Variants in ITGAL observed in about 807,000 individuals in gnomAD.
ITGAL encodes integrin alpha-L.
ITGAL carries 68 observed loss-of-function variants against 138.4 expected under a neutral mutation model. That is an observed-to-expected ratio of 0.49 (90% confidence interval 0.40 to 0.60). ITGAL has a LOEUF of 0.60. ITGAL is among the 20% of genes least tolerant of loss of function. ITGAL has a pLI of 0.00. For synonymous variants in ITGAL, 561 were observed against 584.3 expected (o/e 0.96, Z 0.57); for missense variants, 1,256 against 1,478.6 (o/e 0.85, Z 2.47).
chr16:30,496,280 C>T lies in ITGAL; in HGVS notation c.1687C>T (p.Pro563Ser). 1 of 1,600,622 alleles carries T rather than the reference C, an allele frequency of 6.2e-7. No homozygotes were observed. Among genetic ancestry groups the T allele is most frequent in the Non-Finnish European group, 8.5e-7 (1 of 1,172,138 alleles). Residue 563 changes from proline to serine, a missense_variant, in exon 14 of 31, where the codon CCC (proline) becomes TCC (serine). Physicochemically the swap from Pro to Ser is moderately conservative, Grantham distance 74 (BLOSUM62 -1). Coordinates refer to ENST00000356798, the MANE Select transcript of ITGAL (RefSeq NM_002209.3). Reference protein sequence around the residue: ...IFNGRHGGLSPQPSQRIEGTQ... With the variant: ...IFNGRHGGLSSQPSQRIEGTQ... ...CAATGGGAGGCACGGGGGGCTTAGTCCCCAGCCAAGTCAGGTGACGTATGC... is the reference window on the plus strand; with the variant it reads ...CAATGGGAGGCACGGGGGGCTTAGTTCCCAGCCAAGTCAGGTGACGTATGC...
intron 22 of ITGAL, 29 bp downstream of exon 22, chr16:30,510,500 G>A (rs755974650): frequency 1.5e-6 from 2 of 1,309,048 alleles, no homozygotes; most frequent in South Asian, 1.2e-5. Context: ...CAGGGACCAA[G>A]CAGCCTAGGG....
rs532614112 is a variant in ITGAL at position 30,496,526 on chromosome 16, G to A, written c.1792G>A (p.Asp598Asn). 1 of 1,614,124 alleles carries A rather than the reference G, an allele frequency of 6.2e-7. No individual in the cohort carries two copies. Among genetic ancestry groups the A allele is most frequent in the East Asian group, 2.2e-5 (1 of 44,888 alleles). The change falls in exon 15 of 31, where the codon GAT (aspartate) becomes AAT (asparagine). Residue 598 changes from aspartate (D) to asparagine (N), a missense_variant. By Grantham distance (23) the Asp-to-Asn change is conservative (BLOSUM62 1). This residue lies in a region of ITGAL where 867 missense variants were observed against 972.5 expected (regional missense o/e 0.89). Coordinates refer to ENST00000356798, the MANE Select transcript of ITGAL (RefSeq NM_002209.3). ...GGACCTTGAAGGGGATGGCTTGGCAGATGTGGCTGTGGGGGCTGAGAGCCA... is the reference window on the plus strand; with the variant it reads ...GGACCTTGAAGGGGATGGCTTGGCAAATGTGGCTGTGGGGGCTGAGAGCCA... ...VKDLEGDGLA[D>N]VAVGAESQMI...
intron 29 of ITGAL, 145 bp from the exon 30 acceptor site, chr16:30,519,712 G>A (rs757528671): frequency 7.9e-5 from 54 of 680,802 alleles, no homozygotes; most frequent in Non-Finnish European, 1.4e-4. Flanking sequence ...AATAGGTGAC[G>A]TGTTAAAGGG....
chr16:30,481,189 A>G, intron 6 of ITGAL: 1 of 427,138 alleles, frequency 2.3e-6, no homozygotes, highest in Non-Finnish European at 4.3e-6. Context: ...CACACCACAC[A>G]CACACAAATA....
chr16:30,481,734 T>C lies in ITGAL; in HGVS notation c.722+150T>C. The C allele has an allele frequency of 4.4e-6, 3 of 684,330 alleles. No homozygotes were observed. In the South Asian group the frequency reaches 5.2e-5, roughly 12 times the overall value. The allele number at this position is 684,330 out of a possible 1,614,324, so 42.4% of individuals were successfully genotyped here. Reference sequence around the variant, plus strand: ...TGAAGTGGAACAATTTTACTGCAGATTCTTTTGGTTGTACGTAACAGAAAT... The same window carrying C: ...TGAAGTGGAACAATTTTACTGCAGACTCTTTTGGTTGTACGTAACAGAAAT... On this transcript the variant is annotated intron_variant, in intron 7 of 30. Coordinates refer to ENST00000356798, the MANE Select transcript of ITGAL (RefSeq NM_002209.3).
chr16:30,474,331 G>C, intron 2 of ITGAL, 33 bp downstream of exon 2: 1 of 1,484,986 alleles, frequency 6.7e-7, no homozygotes, highest in Non-Finnish European at 9.3e-7. Context: ...TCCTCCTGAT[G>C]CCCGCCCTGG....
chr16:30,521,891 T>C lies in ITGAL; in HGVS notation c.*226T>C. The C allele has an allele frequency of 1.9e-6, 1 of 513,326 alleles. No homozygotes were observed. Among genetic ancestry groups the C allele is most frequent in the Non-Finnish European group, 3.5e-6 (1 of 288,132 alleles). 31.8% of individuals were successfully genotyped at this position (513,326 alleles called of 1,614,324 possible). On this transcript the variant is annotated 3_prime_UTR_variant, in exon 31 of 31. Coordinates refer to ENST00000356798, the MANE Select transcript of ITGAL (RefSeq NM_002209.3). ...CAAGAGGGCTGCAAAAGTGAGGGCT[T>C]GTCATTACCAGACGGTTCACCAGCC...
chr16:30,499,527 C>T, intron 17 of ITGAL, 38 bp downstream of exon 17: 1 of 1,604,676 alleles, frequency 6.2e-7, no homozygotes, highest in Non-Finnish European at 8.5e-7. Flanking sequence ...GATGAGCTAC[C>T]TGCAGGGGCA....
chr16:30,505,140 CA>C, intron 18 of ITGAL, 103 bp from the exon 19 acceptor site: 1 of 1,169,500 alleles, frequency 8.6e-7, no homozygotes, highest in Non-Finnish European at 1.2e-6. Context: ...CAACCACAGC[CA>C]GCCCAGTTGA....
chr16:30,494,444 T>C lies in ITGAL; in HGVS notation c.1365+81T>C. 1.4e-6 allele frequency: 2 copies of C among 1,419,812 alleles called. No individual in the cohort carries two copies. Among genetic ancestry groups the C allele is most frequent in the Non-Finnish European group, 1.9e-6 (2 of 1,051,080 alleles). The allele number at this position is 1,419,812 out of a possible 1,614,324, so 88.0% of individuals were successfully genotyped here. On this transcript the variant is annotated intron_variant, in intron 12 of 30. Coordinates refer to ENST00000356798, the MANE Select transcript of ITGAL (RefSeq NM_002209.3). The surrounding 1 kb of genome is among the most constrained non-coding windows in gnomAD (Gnocchi z 4.2). ...CTCCCTTCTGTCCTTTGAATGCTCATCCACTTACCATGTGGCAGCCCCTGT... is the reference window on the plus strand; with the variant it reads ...CTCCCTTCTGTCCTTTGAATGCTCACCCACTTACCATGTGGCAGCCCCTGT...
chr16:30,481,207 G>A (rs1020456687), intron 6 of ITGAL: 37 of 471,498 alleles, frequency 7.8e-5, no homozygotes, highest in African/African-American at 4.8e-4. Context: ...ATATTCGGGT[G>A]TGGTGGCACG....
intron 9 of ITGAL, among the ~76,000 whole-genome samples, chr16:30,487,870 A>G (rs1419991648): frequency 1.3e-5 from 2 of 151,110 alleles, no homozygotes; most frequent in East Asian, 3.9e-4. Context: ...GGCATGTCCC[A>G]CCATGCCTAG....
chr16:30,500,917 T>C (rs1360766922), intron 17 of ITGAL, among the ~76,000 whole-genome samples: 3 of 151,976 alleles, frequency 2.0e-5, no homozygotes, highest in African/African-American at 7.3e-5. Flanking sequence ...GGCAGGAGAA[T>C]TGCTTGAACC....
chr16:30,493,539 G>A (rs973367882), intron 11 of ITGAL, among the ~76,000 whole-genome samples: 1 of 151,700 alleles, frequency 6.6e-6, no homozygotes, highest in Non-Finnish European at 1.5e-5. Context: ...GCCTCCCAAA[G>A]CGCTGGGATT....
chr16:30,496,545 A>C lies in ITGAL; in HGVS notation c.1811A>C (p.Glu604Ala). 1 of 1,613,756 alleles carries C rather than the reference A, an allele frequency of 6.2e-7. No individual in the cohort carries two copies. ...TTGGCAGATGTGGCTGTGGGGGCTG[A>C]GAGCCAGATGATCGTGCTGAGGTGA... ...DGLADVAVGAESQMIVLSSRP... is the reference protein window; with the variant it reads ...DGLADVAVGAASQMIVLSSRP... Residue 604 changes from glutamate (E) to alanine (A), a missense_variant, in exon 15 of 31, where the codon GAG becomes GCG. By Grantham distance (107) the Glu-to-Ala change is moderately radical. Around this residue, in one of 3 missense-constraint regions of ITGAL, gnomAD observed 867 missense variants for 972.5 expected, o/e 0.89. Coordinates refer to ENST00000356798, the MANE Select transcript of ITGAL (RefSeq NM_002209.3).
intron 6 of ITGAL, among the ~76,000 whole-genome samples, chr16:30,479,928 C>T (rs1409992804): frequency 6.6e-6 from 1 of 151,968 alleles, no homozygotes; most frequent in Non-Finnish European, 1.5e-5. Context: ...GGATTACAGG[C>T]GTGAGCCACC....
At position 30,494,739 on chromosome 16, in the gene ITGAL, G is replaced by C; in HGVS notation, c.1392G>C (p.Leu464=). The change falls in exon 13 of 31, where the codon CTG becomes CTC. Residue 464 remains leucine (L), a synonymous_variant. Transcript: ENST00000356798. The surrounding 1 kb of genome is among the most constrained non-coding windows in gnomAD (Gnocchi z 4.2). ...TTGGCTCTTATTTCGGTGGGGAGCTGTGTGGCGTCGACGTGGACCAAGATG... is the reference window on the plus strand; with the variant it reads ...TTGGCTCTTATTTCGGTGGGGAGCTCTGTGGCGTCGACGTGGACCAAGATG... ...TQIGSYFGGE[L]CGVDVDQDGE... is the part of the protein sequence containing the mutation. 1 of 1,612,510 alleles carries C rather than the reference G, an allele frequency of 6.2e-7. No homozygotes were observed. The highest frequency in any genetic ancestry group is 8.5e-7 in the Non-Finnish European group (1 of 1,179,126).
At chr16:30,499,703 A>ATATATATG (rs2151161300) in intron 17 of ITGAL, 1 of 99,066 alleles carries the variant, frequency 1.0e-5, no homozygotes, top group African/African-American at 3.8e-5. Flanking sequence ...ATATGTGTAT[A>ATATATATG]TATATATATG....
chr16:30,490,514 C>T (rs1313751654), intron 11 of ITGAL, among the ~76,000 whole-genome samples: 5 of 152,172 alleles, frequency 3.3e-5, no homozygotes, highest in African/African-American at 1.2e-4. Flanking sequence ...TCTTCCCTGG[C>T]TCCTCCTGCC....
Sources: gnomAD v4.1 joint callset for allele counts (sites outside exome capture counted in the v4.1 genomes callset) on GRCh38, gnomAD v4.1.1 for gene constraint, gnomAD v4.1.1 regional missense constraint, Gnocchi (gnomAD v3.1) non-coding constraint, MANE v1.5 for transcripts, NCBI Gene and HGNC (gene_info 2026-07-23, HGNC 2026-07-21) for gene names.